Variants in TMEM117 observed in about 807,000 individuals in gnomAD.
TMEM117 encodes the protein transmembrane protein 117.
A neutral mutation model predicts 52.4 loss-of-function variants in TMEM117; 27 were observed. The observed-to-expected ratio is 0.51, with a 90% CI of 0.38 to 0.71. TMEM117 has a LOEUF of 0.71. Among genes scored for constraint, TMEM117 ranks in the 30% least tolerant of loss-of-function variants. The probability of loss-of-function intolerance (pLI) is 0.00; values close to 1 mark genes in which losing one functional copy is unlikely to be tolerated. For missense variants in TMEM117, 556 were observed against 630.5 expected (o/e 0.88, Z 1.26); for synonymous variants, 215 against 206.3 (o/e 1.04, Z -0.36).
intron 6 of TMEM117, among the ~76,000 whole-genome samples, chr12:44,316,333 T>G (rs1951054233): frequency 6.6e-6 from 1 of 152,206 alleles, no homozygotes; most frequent in Admixed American, 6.5e-5. Context: ...TTTACTTTGC[T>G]TATAAAGCTT....
rs549458908 is a variant in TMEM117 at position 44,334,591 on chromosome 12, C to A, written c.768+34852C>A. Among the ~76,000 whole-genome samples the A allele has an allele frequency of 6.6e-5, 10 of 152,080 alleles. No individual in the cohort carries two copies. The East Asian group carries it at 1.9e-3, about 30-fold the overall frequency. ...TCTGAGATTTTTAGCTTAAGAGTCACCTCTTCTGAGACACGTGGCATGATT... is the reference window on the plus strand; with the variant it reads ...TCTGAGATTTTTAGCTTAAGAGTCAACTCTTCTGAGACACGTGGCATGATT... On this transcript the variant is annotated intron_variant, in intron 6 of 7. Coordinates refer to ENST00000266534, the MANE Select transcript of TMEM117 (RefSeq NM_032256.3).
chr12:44,374,883 C>T (rs934853564), intron 6 of TMEM117, among the ~76,000 whole-genome samples: 4 of 152,000 alleles, frequency 2.6e-5, no homozygotes, highest in African/African-American at 7.3e-5. Context: ...AAGAGAAGTG[C>T]GCTATTGATA....
At position 44,135,306 on chromosome 12, in the gene TMEM117, A is replaced by G. The variant is rs373357004; in HGVS notation, c.411-8219A>G. 3.9e-5 allele frequency among the ~76,000 whole-genome samples: 6 copies of G among 152,322 alleles called. No individual in the cohort carries two copies. The East Asian group carries it at 7.7e-4, about 20-fold the overall frequency. ...AGTGATAATCCAAGATGGGACCACT[A>G]GCTCTGGGGTGCTATTTTCTTTCCC... On this transcript the variant is annotated intron_variant, in intron 3 of 7. Coordinates refer to ENST00000266534, the MANE Select transcript of TMEM117 (RefSeq NM_032256.3).
chr12:43,866,752 A>G (rs2137415274), intron 2 of TMEM117, among the ~76,000 whole-genome samples: 1 of 152,340 alleles, frequency 6.6e-6, no homozygotes, highest in South Asian at 2.1e-4. Flanking sequence ...TCATAAATAT[A>G]GGGCTCAATT....
chr12:44,382,658 C>T (rs1203149570), intron 7 of TMEM117, among the ~76,000 whole-genome samples: 1 of 152,134 alleles, frequency 6.6e-6, no homozygotes, highest in Non-Finnish European at 1.5e-5. Flanking sequence ...CATGTTCCTA[C>T]CTGTACTCGT....
At chr12:43,970,667 A>G (rs1451870887) in intron 3 of TMEM117, among the ~76,000 whole-genome samples, 2 of 152,136 alleles carry the variant, frequency 1.3e-5, no homozygotes, top group African/African-American at 4.8e-5. Flanking sequence ...ATAGGTATGT[A>G]TATATAGGAA....
chr12:44,215,056 T>C (rs1162149010), intron 5 of TMEM117, among the ~76,000 whole-genome samples: 2 of 152,302 alleles, frequency 1.3e-5, no homozygotes, highest in Non-Finnish European at 2.9e-5. Context: ...CAAAAATGGG[T>C]ATTTTCTTTT....
the TMEM117 span, chr12:43,804,438 A>G: frequency 9.0e-7 from 1 of 1,115,480 alleles, no homozygotes; most frequent in Non-Finnish European, 1.3e-6. Flanking sequence ...CAGTAAGTTT[A>G]AAAATACAAC....
At chr12:43,882,692 G>A (rs901552703) in intron 2 of TMEM117, among the ~76,000 whole-genome samples, 9 of 152,234 alleles carry the variant, frequency 5.9e-5, no homozygotes, top group African/African-American at 2.2e-4. Context: ...AGGTCAATGA[G>A]CATAAATGTT....
chr12:44,230,911 C>A (rs1949924091), intron 5 of TMEM117, among the ~76,000 whole-genome samples: 1 of 151,934 alleles, frequency 6.6e-6, no homozygotes, highest in African/African-American at 2.4e-5. Context: ...GAAGCACTTA[C>A]AATGTGTTCT....
chr12:44,200,210 A>C (rs777685904), intron 4 of TMEM117, among the ~76,000 whole-genome samples: 2 of 152,196 alleles, frequency 1.3e-5, no homozygotes, highest in South Asian at 2.1e-4. Context: ...TTCATGTTTC[A>C]TTTATGTCAT....
intron 2 of TMEM117, among the ~76,000 whole-genome samples, chr12:43,853,836 G>A: frequency 6.6e-6 from 1 of 152,194 alleles, no homozygotes; most frequent in East Asian, 1.9e-4. Context: ...TGTTGCCCAT[G>A]TGGGACCTAA....
At chr12:44,373,127 G>C (rs1472035014) in intron 6 of TMEM117, among the ~76,000 whole-genome samples, 1 of 152,204 alleles carries the variant, frequency 6.6e-6, no homozygotes, top group Non-Finnish European at 1.5e-5. Context: ...AATGTCCACA[G>C]ATTTCCTCTG....
At chr12:43,932,341 T>G (rs1355181242) in intron 2 of TMEM117, among the ~76,000 whole-genome samples, 2 of 151,592 alleles carry the variant, frequency 1.3e-5, no homozygotes, top group South Asian at 2.1e-4. Flanking sequence ...AATAAGTTTT[T>G]TTTTTTTTTT....
At chr12:44,012,553 T>C (rs752624155) in intron 3 of TMEM117, among the ~76,000 whole-genome samples, 87 of 152,180 alleles carry the variant, frequency 5.7e-4, no homozygotes, top group Non-Finnish European at 8.1e-4. Flanking sequence ...TTCTCAAAAA[T>C]AAAAGTTCCG....
intron 2 of TMEM117, among the ~76,000 whole-genome samples, chr12:43,902,523 G>T (rs575270269): frequency 3.9e-5 from 6 of 152,312 alleles, no homozygotes; most frequent in Admixed American, 2.0e-4. Flanking sequence ...TGAGGATGCT[G>T]TTGGTCCAAA....
chr12:44,370,057 G>A (rs1310745974), intron 6 of TMEM117, among the ~76,000 whole-genome samples: 2 of 152,046 alleles, frequency 1.3e-5, no homozygotes, highest in African/African-American at 2.4e-5. Context: ...GCTGTCATCC[G>A]CTATGTGAAA....
intron 3 of TMEM117, among the ~76,000 whole-genome samples, chr12:44,000,059 T>C (rs1328834579): frequency 6.6e-6 from 1 of 152,182 alleles, no homozygotes; most frequent in Non-Finnish European, 1.5e-5. Flanking sequence ...TTCAGTTCTG[T>C]TGAAAGGAAA....
At chr12:44,243,340 G>A (rs1253227057) in intron 5 of TMEM117, among the ~76,000 whole-genome samples, 2 of 151,732 alleles carry the variant, frequency 1.3e-5, no homozygotes, top group African/African-American at 4.8e-5. Context: ...GGGTCAATAG[G>A]TCATTATCTT....
Sources: gnomAD v4.1 joint callset for allele counts (sites outside exome capture counted in the v4.1 genomes callset) on GRCh38, gnomAD v4.1.1 for gene constraint, MANE v1.5 for transcripts, NCBI Gene and HGNC (gene_info 2026-07-23, HGNC 2026-07-21) for gene names.